Variants in NR1D2 observed in about 807,000 individuals in gnomAD.
NR1D2 encodes V-erbA-related protein 1-related.
A neutral mutation model predicts 52.2 loss-of-function variants in NR1D2; 25 were observed. The observed-to-expected ratio is 0.48, with a 90% CI of 0.35 to 0.67. The LOEUF is 0.67. Ranked by LOEUF, NR1D2 falls within the 30% of genes least tolerant of loss-of-function variation. The pLI is 0.01. For missense variants in NR1D2, 681 were observed against 707.2 expected (o/e 0.96, Z 0.42); for synonymous variants, 259 against 230.1 (o/e 1.13, Z -1.14).
chr3:23,973,391 G>A (rs1285858567), intron 7 of NR1D2, among the ~76,000 whole-genome samples: 1 of 152,218 alleles, frequency 6.6e-6, no homozygotes, highest in African/African-American at 2.4e-5. Flanking sequence ...CCATGTTACT[G>A]TGCTGAGTAC....
At chr3:23,948,118 C>CA (rs58380767) in intron 1 of NR1D2, among the ~76,000 whole-genome samples, 2,603 of 135,192 alleles carry the variant, frequency 0.019, 63 homozygotes, top group African/African-American at 0.062. Flanking sequence ...ACTCCCATCT[C>CA]AAAAAAAAAA....
At chr3:23,959,487 G>A (rs998575650) in intron 3 of NR1D2, among the ~76,000 whole-genome samples, 184 bp from the exon 4 acceptor site, 4 of 151,986 alleles carry the variant, frequency 2.6e-5, no homozygotes, top group South Asian at 2.1e-4. Flanking sequence ...AATAAGAATC[G>A]AAATTAAATT....
intron 7 of NR1D2, among the ~76,000 whole-genome samples, chr3:23,973,554 G>A (rs1020393026): frequency 6.6e-6 from 1 of 152,168 alleles, no homozygotes; most frequent in African/African-American, 2.4e-5. Context: ...AAGTTGCTGT[G>A]GGTGAATGAG....
At chr3:23,953,174 TA>T (rs574861144) in intron 1 of NR1D2, among the ~76,000 whole-genome samples, 146 of 143,466 alleles carry the variant, frequency 1.0e-3, no homozygotes, top group African/African-American at 1.2e-3. Context: ...CCATCTCTAC[TA>T]AAAAAAAAAA....
intron 3 of NR1D2, 73 bp from the exon 4 acceptor site, chr3:23,959,598 T>A: frequency 1.4e-6 from 2 of 1,421,754 alleles, no homozygotes; most frequent in Non-Finnish European, 9.7e-7. Flanking sequence ...ACTAGATAGG[T>A]ATGGGAGCAG....
At chr3:23,951,730 A>T (rs759498370) in intron 1 of NR1D2, among the ~76,000 whole-genome samples, 10 of 152,346 alleles carry the variant, frequency 6.6e-5, no homozygotes, top group Non-Finnish European at 1.5e-4. Flanking sequence ...TGAAACTTCA[A>T]TGTGCAAATA....
intron 1 of NR1D2, chr3:23,946,111 C>T (rs898433376): frequency 6.1e-6 from 6 of 984,750 alleles, no homozygotes; most frequent in Admixed American, 6.2e-5. Context: ...GCAGTGACGT[C>T]GCCGCGATTC....
At chr3:23,972,105 T>C (rs1706605917) in intron 7 of NR1D2, among the ~76,000 whole-genome samples, 2 of 152,210 alleles carry the variant, frequency 1.3e-5, no homozygotes, top group Non-Finnish European at 2.9e-5. Context: ...CTTGGAAATG[T>C]ATAGTGGTCT....
At chr3:23,965,258 G>A in intron 6 of NR1D2, 96 bp downstream of exon 6, 1 of 511,468 alleles carries the variant, frequency 2.0e-6, no homozygotes, top group Non-Finnish European at 2.9e-6. Context: ...TTTTTTTTTT[G>A]AGACAGAATC....
intron 4 of NR1D2, 78 bp from the exon 5 acceptor site, chr3:23,961,899 G>A: frequency 8.9e-6 from 12 of 1,341,800 alleles, no homozygotes; most frequent in East Asian, 2.3e-5. Flanking sequence ...CATAACTGTT[G>A]GATAATTTTG....
intron 1 of NR1D2, among the ~76,000 whole-genome samples, chr3:23,952,762 T>G (rs1004444028): frequency 6.6e-6 from 1 of 151,634 alleles, no homozygotes; most frequent in Admixed American, 6.6e-5. Context: ...TGAAAAACAT[T>G]GTGTGTTTCT....
chr3:23,960,950 A>T (rs1452456778), intron 4 of NR1D2, among the ~76,000 whole-genome samples: 1 of 152,184 alleles, frequency 6.6e-6, no homozygotes, highest in African/African-American at 2.4e-5. Context: ...TCTTTCTCTC[A>T]TGGATAGGAT....
chr3:23,964,202 T>G lies in NR1D2; in HGVS notation c.1147-775T>G, dbSNP rs554022915. Among the ~76,000 whole-genome samples, 4 of 152,090 alleles carry G rather than the reference T, an allele frequency of 2.6e-5. No individual in the cohort carries two copies. In the East Asian group the frequency reaches 7.8e-4, roughly 30 times the overall value. ...AAGTGATTCTTCTGCCTCAGCCTCC[T>G]GAGTAGCTGGGACTACAGGCGCAAG... On this transcript the variant is annotated intron_variant, in intron 5 of 7. Transcript: ENST00000312521.
intron 7 of NR1D2, among the ~76,000 whole-genome samples, chr3:23,969,985 C>T (rs1269473971): frequency 6.6e-6 from 1 of 152,118 alleles, no homozygotes; most frequent in Non-Finnish European, 1.5e-5. Context: ...GGACAAAAGC[C>T]TTCAGAGTTA....
At chr3:23,966,955 G>A (rs536154182) in intron 6 of NR1D2, among the ~76,000 whole-genome samples, 4 of 152,072 alleles carry the variant, frequency 2.6e-5, no homozygotes, top group South Asian at 4.2e-4. Flanking sequence ...CACTTGAGCC[G>A]GGGAGGTTCA....
At chr3:23,956,481 C>A (rs189966881) in intron 3 of NR1D2, among the ~76,000 whole-genome samples, 25 of 152,140 alleles carry the variant, frequency 1.6e-4, no homozygotes, top group Admixed American at 1.6e-3. Flanking sequence ...ACTACTTCTG[C>A]CTTGTGGGAA....
chr3:23,964,085 T>C (rs907068630), intron 5 of NR1D2, among the ~76,000 whole-genome samples: 1 of 151,312 alleles, frequency 6.6e-6, no homozygotes, highest in African/African-American at 2.4e-5. Flanking sequence ...TTTTTTTCTT[T>C]TTTTTTTTTT....
rs755661088 is a variant in NR1D2, at chr3:23,965,182, A to T, written c.1332+20A>T. On this transcript the variant is annotated intron_variant, in intron 6 of 7. Coordinates refer to ENST00000312521, the MANE Select transcript of NR1D2 (RefSeq NM_005126.5). The stretch of plus-strand genomic sequence containing the variant: ...TTTGAGGTAGGTTTTATTTATCCTG[A>T]ATATTGATGCAGGCAGGGCATGTAG... 6.6e-6 allele frequency: 10 copies of T among 1,507,392 alleles called. No homozygotes were observed. Among genetic ancestry groups the T allele is most frequent in the Non-Finnish European group, 9.0e-6 (10 of 1,105,982 alleles). The allele number at this position is 1,507,392 out of a possible 1,614,324, so 93.4% of individuals were successfully genotyped here.
At chr3:23,946,778 T>C (rs1705735918) in intron 1 of NR1D2, among the ~76,000 whole-genome samples, 1 of 152,226 alleles carries the variant, frequency 6.6e-6, no homozygotes, top group Non-Finnish European at 1.5e-5. Context: ...TTTATAAATA[T>C]TTTTCTTGTC....
Sources: allele counts gnomAD v4.1 joint callset (sites outside exome capture counted in the v4.1 genomes callset), GRCh38; gene constraint gnomAD v4.1.1; transcripts MANE v1.5; gene names NCBI Gene and HGNC (gene_info 2026-07-23, HGNC 2026-07-21).